The following ASIC2 variants were observed in gnomAD, a reference collection of about 807,000 sequenced individuals.
ASIC2 encodes the protein acid-sensing ion channel 2.
In ASIC2, 25 loss-of-function variants were observed where a neutral mutation model predicts 57.3. That is an observed-to-expected ratio of 0.44 (90% CI 0.32 to 0.61). The LOEUF (loss-of-function observed/expected upper bound fraction) is 0.61. Ranked by LOEUF, ASIC2 falls within the 20% of genes least tolerant of loss-of-function variation. The probability of loss-of-function intolerance (pLI) is 0.06; values close to 1 mark genes in which losing one functional copy is unlikely to be tolerated. For missense variants in ASIC2, 641 were observed against 738.1 expected (o/e 0.87, Z 1.52); for synonymous variants, 319 against 307.5 (o/e 1.04, Z -0.39).
intron 1 of ASIC2, among the ~76,000 whole-genome samples, chr17:34,122,914 C>G (rs1911667946): frequency 6.6e-6 from 1 of 152,218 alleles, no homozygotes; most frequent in Non-Finnish European, 1.5e-5. Context: ...AAAGCAGCCT[C>G]ATAAAGAATA....
chr17:33,586,595 A>G (rs1904641939), intron 1 of ASIC2, among the ~76,000 whole-genome samples: 2 of 152,184 alleles, frequency 1.3e-5, no homozygotes, highest in Admixed American at 6.5e-5. Flanking sequence ...CTTTCTGAAT[A>G]TGCCCAATGT....
intron 3 of ASIC2, among the ~76,000 whole-genome samples, chr17:33,047,215 T>C (rs190709914): frequency 2.0e-5 from 3 of 152,352 alleles, no homozygotes; most frequent in Admixed American, 2.0e-4. Flanking sequence ...TTTATGTTCT[T>C]GACCCCCTTC....
chr17:34,102,512 T>C (rs1261688701), intron 1 of ASIC2, among the ~76,000 whole-genome samples: 1 of 152,168 alleles, frequency 6.6e-6, no homozygotes, highest in Non-Finnish European at 1.5e-5. Context: ...CATTTTGGCC[T>C]TCTCACCTCA....
chr17:33,699,190 G>GGAGTCT (rs1555552872), intron 1 of ASIC2, among the ~76,000 whole-genome samples: 5 of 152,172 alleles, frequency 3.3e-5, no homozygotes, highest in Admixed American at 3.3e-4. Flanking sequence ...GACTCCATGA[G>GGAGTCT]TCATGTGGAG....
At chr17:33,709,815 G>A (rs1257535142) in intron 1 of ASIC2, among the ~76,000 whole-genome samples, 2 of 152,192 alleles carry the variant, frequency 1.3e-5, no homozygotes, top group African/African-American at 4.8e-5. Flanking sequence ...CACTTACTTT[G>A]TGCTTTTAAA....
At chr17:33,218,438 C>T (rs955923870) in intron 1 of ASIC2, among the ~76,000 whole-genome samples, 1 of 152,218 alleles carries the variant, frequency 6.6e-6, no homozygotes, top group Non-Finnish European at 1.5e-5. Flanking sequence ...CACAGTGGAA[C>T]TCAAAGTCTG....
chr17:33,477,286 C>T (rs939768543), intron 1 of ASIC2, among the ~76,000 whole-genome samples: 2 of 152,088 alleles, frequency 1.3e-5, no homozygotes, highest in Non-Finnish European at 2.9e-5. Flanking sequence ...CTAAAAATCC[C>T]TATTAGAACT....
At chr17:33,969,414 G>T (rs1249924616) in intron 1 of ASIC2, among the ~76,000 whole-genome samples, 1 of 152,162 alleles carries the variant, frequency 6.6e-6, no homozygotes, top group Admixed American at 6.5e-5. Flanking sequence ...CAGGCACAAG[G>T]ATATGGCTGC....
At chr17:33,973,649 A>G (rs534604884) in intron 1 of ASIC2, among the ~76,000 whole-genome samples, 3 of 152,310 alleles carry the variant, frequency 2.0e-5, no homozygotes, top group Non-Finnish European at 1.5e-5. Flanking sequence ...TCCTGAACAT[A>G]TAGACACAGA....
chr17:33,712,887 C>T (rs377045954), intron 1 of ASIC2, among the ~76,000 whole-genome samples: 4 of 151,990 alleles, frequency 2.6e-5, no homozygotes, highest in East Asian at 1.9e-4. Flanking sequence ...CCTCGTGATC[C>T]GCCCGCCTCG....
At chr17:33,525,660 C>A (rs752653408) in intron 1 of ASIC2, among the ~76,000 whole-genome samples, 3 of 152,242 alleles carry the variant, frequency 2.0e-5, no homozygotes, top group Non-Finnish European at 4.4e-5. Flanking sequence ...ATTACCTAGA[C>A]GGACTGACCA....
chr17:33,500,055 G>T (rs1183729823), intron 1 of ASIC2, among the ~76,000 whole-genome samples: 1 of 151,688 alleles, frequency 6.6e-6, no homozygotes, highest in African/African-American at 2.4e-5. Flanking sequence ...AAAAAGAAAA[G>T]AAAACGGGGA....
At chr17:33,684,184 A>G (rs781532283) in intron 1 of ASIC2, among the ~76,000 whole-genome samples, 1 of 152,176 alleles carries the variant, frequency 6.6e-6, no homozygotes, top group Non-Finnish European at 1.5e-5. Flanking sequence ...CTGGTCTACA[A>G]ATTATACACC....
intron 1 of ASIC2, among the ~76,000 whole-genome samples, chr17:33,345,802 C>A (rs1477162776): frequency 6.6e-6 from 1 of 152,098 alleles, no homozygotes. Context: ...TTAAAAAGAT[C>A]TCTTGGGTGC....
chr17:34,011,196 CAT>C (rs1422563711), intron 1 of ASIC2, among the ~76,000 whole-genome samples: 2 of 151,836 alleles, frequency 1.3e-5, no homozygotes, highest in Non-Finnish European at 2.9e-5. Context: ...TGCACACACA[CAT>C]AGACATATAC....
chr17:34,060,086 G>A (rs1908916695), intron 1 of ASIC2, among the ~76,000 whole-genome samples: 1 of 152,166 alleles, frequency 6.6e-6, no homozygotes, highest in Admixed American at 6.5e-5. Context: ...GTCTCACAGA[G>A]TCCATTGCAC....
intron 2 of ASIC2, among the ~76,000 whole-genome samples, chr17:33,107,953 G>A (rs890022856): frequency 6.6e-6 from 1 of 152,172 alleles, no homozygotes; most frequent in Non-Finnish European, 1.5e-5. Context: ...TCTGTCTTAG[G>A]TGTGGGATAT....
chr17:34,136,441 T>A (rs1912129083), intron 1 of ASIC2, among the ~76,000 whole-genome samples: 1 of 152,214 alleles, frequency 6.6e-6, no homozygotes, highest in Non-Finnish European at 1.5e-5. Context: ...AGAGGCTTTA[T>A]CTACATAACA....
chr17:33,203,637 T>C (rs8071363), intron 1 of ASIC2, among the ~76,000 whole-genome samples: 3,670 of 152,184 alleles, frequency 0.024, 142 homozygotes, highest in African/African-American at 0.084. Flanking sequence ...GCCTCTTTAT[T>C]CTCGGGGTTG....
Sources: gnomAD v4.1 joint callset for allele counts (sites outside exome capture counted in the v4.1 genomes callset) on GRCh38, gnomAD v4.1.1 for gene constraint, MANE v1.5 for transcripts, NCBI Gene and HGNC (gene_info 2026-07-23, HGNC 2026-07-21) for gene names.